Variants in MYO5B observed in about 807,000 individuals in gnomAD.
MYO5B encodes the protein unconventional myosin-Vb.
In MYO5B, 143 loss-of-function variants were observed where a neutral mutation model predicts 229.3. The observed-to-expected ratio is 0.62, with a 90% CI of 0.54 to 0.72. The LOEUF (loss-of-function observed/expected upper bound fraction) is 0.72. MYO5B is among the 30% of genes least tolerant of loss of function. The pLI is 0.00. For synonymous variants in MYO5B, 918 were observed against 885.2 expected, an observed-to-expected ratio of 1.04 and a Z score of -0.66; for missense variants, 2,321 against 2,331.0, an observed-to-expected ratio of 1.00 and a Z score of 0.09.
At position 49,847,835 on chromosome 18, in the gene MYO5B, G is replaced by T. The variant is rs547830499; in HGVS notation, c.4316-546C>A. Among the ~76,000 whole-genome samples, 14 of 152,336 alleles carry T rather than the reference G, an allele frequency of 9.2e-5. 1 individual carries two copies. The East Asian group carries it at 2.5e-3, about 27-fold the overall frequency. ...TGGACACTGTCTGTGACCTGTGGGT[G>T]GTGGATCAGGGTGGTGATGGTGATA... On this transcript the variant is annotated intron_variant, in intron 32 of 39. Coordinates refer to ENST00000285039, the MANE Select transcript of MYO5B (RefSeq NM_001080467.3).
At position 49,824,522 on chromosome 18, in the gene MYO5B, C is replaced by G. The variant is rs988371235; in HGVS notation, c.*1949G>C. On this transcript the variant is annotated 3_prime_UTR_variant, in exon 40 of 40. Transcript: ENST00000285039. ...TAAGACAGTGTATAAGGATAGTAAG[C>G]CACTGTGTTTGTGGAACCACTGCAT... 6.6e-6 allele frequency: 1 copy of G among 152,426 alleles called. No homozygotes were observed. Among genetic ancestry groups the G allele is most frequent in the Non-Finnish European group, 1.5e-5 (1 of 68,056 alleles). 9.4% of individuals were successfully genotyped at this position (152,426 alleles called of 1,614,324 possible). A position where few individuals can be genotyped will look rare whatever the true frequency, so the allele number is the denominator to read the frequency against.
At chr18:50,036,712 G>T in intron 4 of MYO5B, 138 bp downstream of exon 4, 1 of 970,198 alleles carries the variant, frequency 1.0e-6, no homozygotes, top group Non-Finnish European at 1.6e-6. Flanking sequence ...GTAGAACTTG[G>T]GCTGCTTTGT....
At chr18:49,828,154 T>G (rs991975498) in intron 39 of MYO5B, among the ~76,000 whole-genome samples, 1 of 152,232 alleles carries the variant, frequency 6.6e-6, no homozygotes, top group African/African-American at 2.4e-5. Context: ...CCTGTGGATA[T>G]GGAGGGCTGA....
chr18:50,030,995 C>G (rs926018815), intron 4 of MYO5B, among the ~76,000 whole-genome samples: 1 of 149,732 alleles, frequency 6.7e-6, no homozygotes, highest in African/African-American at 2.5e-5. Context: ...ACCAACAAGG[C>G]TGGAAAACAC....
intron 4 of MYO5B, among the ~76,000 whole-genome samples, chr18:50,011,561 C>A (rs1183073234): frequency 6.6e-6 from 1 of 152,108 alleles, no homozygotes; most frequent in Non-Finnish European, 1.5e-5. Context: ...TGTTCCTCAT[C>A]CTGCCTTCCC....
At chr18:50,166,772 C>A (rs1214046589) in intron 1 of MYO5B, among the ~76,000 whole-genome samples, 4 of 152,142 alleles carry the variant, frequency 2.6e-5, no homozygotes. Flanking sequence ...GAAAATACCA[C>A]TGAGAGGAAC....
In MYO5B at chr18:50,154,630, G is replaced by A. The variant is rs1236442252; in HGVS notation, c.27+40137C>T. On this transcript the variant is annotated intron_variant, in intron 1 of 39. Coordinates refer to ENST00000285039, the MANE Select transcript of MYO5B (RefSeq NM_001080467.3). Reference sequence around the variant, plus strand: ...TGGAAGCACCATGAGGGCATTTAGTGCAATATGCTTGACAAGCAAAAATGC... The same window carrying A: ...TGGAAGCACCATGAGGGCATTTAGTACAATATGCTTGACAAGCAAAAATGC... Among the ~76,000 whole-genome samples the A allele has an allele frequency of 2.0e-5, 3 of 152,330 alleles. No individual in the cohort carries two copies. The East Asian group carries it at 5.8e-4, about 29-fold the overall frequency.
At position 49,845,196 on chromosome 18, in the gene MYO5B, T is replaced by G. The variant is rs573234152; in HGVS notation, c.4460-1804A>C. On this transcript the variant is annotated intron_variant, in intron 33 of 39. Coordinates refer to ENST00000285039, the MANE Select transcript of MYO5B (RefSeq NM_001080467.3). Reference sequence around the variant, plus strand: ...CAGAGATGAAAGGTTTGTTCCTAATTGCATTTGAACAAGATGCAGTCTGTT... The same window carrying G: ...CAGAGATGAAAGGTTTGTTCCTAATGGCATTTGAACAAGATGCAGTCTGTT... Among the ~76,000 whole-genome samples the G allele has an allele frequency of 2.6e-5, 4 of 152,338 alleles. No homozygotes were observed. In the South Asian group the frequency reaches 8.3e-4, roughly 32 times the overall value.
At chr18:49,947,169 G>C (rs571542707) in intron 14 of MYO5B, among the ~76,000 whole-genome samples, 22 of 136,910 alleles carry the variant, frequency 1.6e-4, no homozygotes, top group Non-Finnish European at 3.2e-4. Flanking sequence ...GCAATGGCAC[G>C]ATCTCAGCTC....
intron 1 of MYO5B, among the ~76,000 whole-genome samples, chr18:50,122,356 C>T (rs2032072233): frequency 6.8e-6 from 1 of 146,716 alleles, no homozygotes; most frequent in Non-Finnish European, 1.5e-5. Flanking sequence ...AATCCCAGCA[C>T]TTTCGCAGGC....
intron 14 of MYO5B, among the ~76,000 whole-genome samples, chr18:49,941,902 G>A (rs1314110887): frequency 1.3e-4 from 17 of 129,972 alleles, no homozygotes; most frequent in African/African-American, 5.2e-4. Context: ...AAAGCCAGAG[G>A]CATCATGCTA....
At chr18:50,183,613 G>T (rs2033107179) in intron 1 of MYO5B, among the ~76,000 whole-genome samples, 1 of 151,902 alleles carries the variant, frequency 6.6e-6, no homozygotes, top group Non-Finnish European at 1.5e-5. Flanking sequence ...CCCTGAGAAT[G>T]AAAGGATGGT....
rs778987167 is a variant in MYO5B at position 49,992,399 on chromosome 18, G to A, written c.645C>T (p.Asp215=). ...AIGNAKTTRN[D]NSSRFGKYIQ... ...TGTACTTGCCAAAACGGCTGCTGTTGTCATTGCGGGTGGTCTTGGCATTTC... is the reference window on the plus strand; with the variant it reads ...TGTACTTGCCAAAACGGCTGCTGTTATCATTGCGGGTGGTCTTGGCATTTC... Residue 215 remains aspartate (D), a synonymous_variant, in exon 6 of 40, where the codon GAC becomes GAT. Transcript: ENST00000285039. 9 of 1,614,148 alleles carry A rather than the reference G, an allele frequency of 5.6e-6. No homozygotes were observed. Among genetic ancestry groups the A allele is most frequent in the Non-Finnish European group, 7.6e-6 (9 of 1,180,016 alleles).
At chr18:50,060,586 G>T (rs757734277) in intron 1 of MYO5B, among the ~76,000 whole-genome samples, 1 of 152,208 alleles carries the variant, frequency 6.6e-6, no homozygotes, top group Admixed American at 6.5e-5. Context: ...GTGATTTTTG[G>T]AAAGTTCTTT....
chr18:50,092,523 T>G (rs1415990464), intron 1 of MYO5B, among the ~76,000 whole-genome samples: 1 of 152,160 alleles, frequency 6.6e-6, no homozygotes, highest in East Asian at 1.9e-4. Flanking sequence ...GTTTTTTGTT[T>G]TTTGTTTTTT....
intron 31 of MYO5B, among the ~76,000 whole-genome samples, chr18:49,852,542 T>C (rs1202615495): frequency 1.3e-5 from 2 of 152,070 alleles, no homozygotes; most frequent in Non-Finnish European, 2.9e-5. Flanking sequence ...CCACAGATGA[T>C]CTGGTTATAA....
rs1240947470 is a variant in MYO5B, at chr18:50,150,129, T to G, written c.27+44638A>C. ...AGAGAAATGCAAATCAAAACCACAA[T>G]GAGATACCATCTCACACCAGTTAGA... is the stretch of plus-strand genomic sequence containing the variant. On this transcript the variant is annotated intron_variant, in intron 1 of 39. Transcript: ENST00000285039. Among the ~76,000 whole-genome samples the G allele has an allele frequency of 2.8e-5, 4 of 141,624 alleles. No homozygotes were observed. In the East Asian group the frequency reaches 6.3e-4, roughly 22 times the overall value. 92.9% of individuals were successfully genotyped at this position (141,624 alleles called of 152,430 possible). A position where few individuals can be genotyped will look rare whatever the true frequency, so the allele number is the denominator to read the frequency against.
chr18:50,017,573 T>C (rs980610052), intron 4 of MYO5B, among the ~76,000 whole-genome samples: 14 of 152,236 alleles, frequency 9.2e-5, no homozygotes, highest in African/African-American at 3.1e-4. Flanking sequence ...GTTTTCACTT[T>C]TTGACCATTA....
rs114550476 is a variant in MYO5B, at chr18:49,845,799, G to A, written c.4459+1347C>T. On this transcript the variant is annotated intron_variant, in intron 33 of 39. Transcript: ENST00000285039. The stretch of plus-strand genomic sequence containing the variant: ...GGGAGGTGGCCTGTTGCAGTGGCCT[G>A]TGGCAGATGGGGCACAAGACTGGAG... 6.0e-3 allele frequency among the ~76,000 whole-genome samples: 921 copies of A among 152,306 alleles called. 12 individuals carry two copies. The highest frequency in any genetic ancestry group is 0.021 in the African/African-American group (879 of 41,568).
Sources: gnomAD v4.1 joint callset for allele counts (sites outside exome capture counted in the v4.1 genomes callset) on GRCh38, gnomAD v4.1.1 for gene constraint, MANE v1.5 for transcripts, NCBI Gene and HGNC (gene_info 2026-07-23, HGNC 2026-07-21) for gene names.